The following CD96 variants were observed in gnomAD, a reference collection of about 807,000 sequenced individuals.
CD96 encodes T-cell surface protein tactile.
CD96 carries 70 observed loss-of-function variants against 71.3 expected under a neutral mutation model. The observed-to-expected ratio is 0.98, with a 90% confidence interval of 0.81 to 1.20. The LOEUF is 1.20. Ranked by LOEUF, CD96 falls within the 50% of genes most tolerant of loss-of-function variation. CD96 has a pLI of 0.00. For synonymous variants in CD96, 248 were observed against 233.0 expected, an observed-to-expected ratio of 1.06 and a Z score of -0.59; for missense variants, 742 against 677.5, an observed-to-expected ratio of 1.10 and a Z score of -1.06.
intron 5 of CD96, among the ~76,000 whole-genome samples, chr3:111,587,706 C>T (rs962466819): frequency 1.3e-5 from 2 of 152,240 alleles, no homozygotes; most frequent in Non-Finnish European, 2.9e-5. Flanking sequence ...CATACATCTT[C>T]TGAAATGTAG....
chr3:111,642,358 T>G (rs1203049832), intron 12 of CD96, among the ~76,000 whole-genome samples: 1 of 152,194 alleles, frequency 6.6e-6, no homozygotes, highest in African/African-American at 2.4e-5. Flanking sequence ...TCAAGGCTAT[T>G]GTGAACCCCT....
intron 8 of CD96, among the ~76,000 whole-genome samples, chr3:111,607,879 G>A (rs895871266): frequency 2.6e-5 from 4 of 151,742 alleles, no homozygotes; most frequent in Non-Finnish European, 4.4e-5. Context: ...ACTCACTGCC[G>A]GTTAATCATG....
chr3:111,543,178 C>T (rs1299624437), intron 1 of CD96, among the ~76,000 whole-genome samples: 1 of 152,148 alleles, frequency 6.6e-6, no homozygotes, highest in Non-Finnish European at 1.5e-5. Flanking sequence ...TTTTAAGAGG[C>T]TTGTTTCTTC....
intron 2 of CD96, among the ~76,000 whole-genome samples, chr3:111,565,319 A>T (rs1935655641): frequency 6.6e-6 from 1 of 151,914 alleles, no homozygotes; most frequent in Non-Finnish European, 1.5e-5. Flanking sequence ...TGATCTATGT[A>T]TTTTTAGTTT....
chr3:111,607,286 G>A (rs993103776), intron 8 of CD96, among the ~76,000 whole-genome samples: 1 of 152,098 alleles, frequency 6.6e-6, no homozygotes, highest in Non-Finnish European at 1.5e-5. Context: ...ATGGGGATAG[G>A]CCAAAAGAGG....
chr3:111,637,732 A>G (rs1448405215), intron 11 of CD96, among the ~76,000 whole-genome samples: 2 of 151,266 alleles, frequency 1.3e-5, no homozygotes, highest in Non-Finnish European at 2.9e-5. Flanking sequence ...TTTCTGTACC[A>G]CTTACATTTC....
chr3:111,556,180 T>C (rs1353935572), intron 2 of CD96, among the ~76,000 whole-genome samples: 1 of 152,298 alleles, frequency 6.6e-6, no homozygotes, highest in Non-Finnish European at 1.5e-5. Flanking sequence ...TTTGCTTTAA[T>C]ACTTTGAATA....
At chr3:111,604,816 C>G (rs1208654168) in intron 7 of CD96, among the ~76,000 whole-genome samples, 1 of 152,136 alleles carries the variant, frequency 6.6e-6, no homozygotes, top group African/African-American at 2.4e-5. Context: ...ACTTTTTAAT[C>G]TCTATCACAA....
chr3:111,544,730 G>A (rs932072335), intron 1 of CD96, among the ~76,000 whole-genome samples: 1 of 152,156 alleles, frequency 6.6e-6, no homozygotes, highest in African/African-American at 2.4e-5. Context: ...TTGCTGGTGT[G>A]CTTCAATTTT....
At chr3:111,593,172 AGCC>A in intron 5 of CD96, 2 of 170,854 alleles carry the variant, frequency 1.2e-5, no homozygotes, top group Admixed American at 5.7e-5. Flanking sequence ...CTACCTAACC[AGCC>A]TCAGCCCTCA....
At chr3:111,562,974 G>A (rs1220600218) in intron 2 of CD96, among the ~76,000 whole-genome samples, 1 of 152,210 alleles carries the variant, frequency 6.6e-6, no homozygotes, top group Non-Finnish European at 1.5e-5. Context: ...CAGTTCTGGA[G>A]GTTGAAAATG....
intron 7 of CD96, among the ~76,000 whole-genome samples, chr3:111,605,449 A>G (rs1448419147): frequency 1.3e-5 from 2 of 152,252 alleles, no homozygotes; most frequent in Non-Finnish European, 2.9e-5. Context: ...ATGATAAGCA[A>G]CATCAGGAAA....
intron 10 of CD96, chr3:111,634,857 T>A (rs547488774): frequency 1.3e-5 from 2 of 151,314 alleles, no homozygotes; most frequent in South Asian, 4.2e-4. Flanking sequence ...ATTGCGCCAT[T>A]GCACTCCAAC....
At chr3:111,657,074 C>T (rs538738402), downstream of CD96, among the ~76,000 whole-genome samples, 2 of 151,864 alleles carry the variant, frequency 1.3e-5, no homozygotes, top group East Asian at 3.9e-4. Flanking sequence ...ACCATAAGCA[C>T]ACTGAAAGAG....
chr3:111,598,007 C>T, intron 5 of CD96, 113 bp from the exon 6 acceptor site: 1 of 727,808 alleles, frequency 1.4e-6, no homozygotes, highest in South Asian at 1.5e-5. Context: ...TCTATTTATT[C>T]AGTTAAAAAT....
At chr3:111,600,697 G>A in intron 6 of CD96, 29 bp from the exon 7 acceptor site, 1 of 1,510,394 alleles carries the variant, frequency 6.6e-7, no homozygotes. Flanking sequence ...AAATGTTAGT[G>A]TTGAACCATG....
intron 1 of CD96, among the ~76,000 whole-genome samples, chr3:111,542,787 C>T (rs914010109): frequency 1.3e-5 from 2 of 152,062 alleles, no homozygotes; most frequent in Non-Finnish European, 2.9e-5. Flanking sequence ...GTTGAAAACA[C>T]GTTGAATTTT....
rs1204936206 is a variant in CD96 at position 111,579,166 on chromosome 3, A to G, written c.683A>G (p.Lys228Arg). 1 of 1,611,068 alleles carries G rather than the reference A, an allele frequency of 6.2e-7. No homozygotes were observed. Among genetic ancestry groups the G allele is most frequent in the Admixed American group, 1.7e-5 (1 of 60,022 alleles). Residue 228 changes from lysine (K) to arginine (R), a missense_variant, in exon 4 of 14, where the codon AAG becomes AGG. By Grantham distance (26) the Lys-to-Arg change is conservative. Transcript: ENST00000352690. ...SPVQIFDDGR[K>R]FSCHIRVGPN... Reference sequence around the variant, plus strand: ...GTCCAAATCTTCGATGATGGGCGGAAGTTCTCTTGCCACATTAGAGTCGGT... The same window carrying G: ...GTCCAAATCTTCGATGATGGGCGGAGGTTCTCTTGCCACATTAGAGTCGGT...
intron 12 of CD96, among the ~76,000 whole-genome samples, chr3:111,638,446 A>G (rs1291248283): frequency 1.3e-5 from 2 of 152,250 alleles, no homozygotes; most frequent in African/African-American, 4.8e-5. Context: ...CTGTGAGGAT[A>G]TACTTAAATT....
Sources: gnomAD v4.1 joint callset for allele counts (sites outside exome capture counted in the v4.1 genomes callset) on GRCh38, gnomAD v4.1.1 for gene constraint, MANE v1.5 for transcripts, NCBI Gene and HGNC (gene_info 2026-07-23, HGNC 2026-07-21) for gene names.